RIPPLY2: variants seen among roughly 807,000 people sequenced by gnomAD.
The protein encoded by RIPPLY2 is protein ripply2.
In RIPPLY2, 20 loss-of-function variants were observed where a neutral mutation model predicts 17.7. The observed-to-expected ratio is 1.13, with a 90% CI of 0.79 to 1.64. The LOEUF is 1.64. Among genes scored for constraint, RIPPLY2 ranks in the 40% most tolerant of loss-of-function variants. The probability of loss-of-function intolerance (pLI) is 0.00; values close to 1 mark genes in which losing one functional copy is unlikely to be tolerated. For synonymous variants in RIPPLY2, 69 were observed against 63.9 expected (o/e 1.08, Z -0.38); for missense variants, 213 against 169.8 (o/e 1.25, Z -1.41).
chr6:83,853,726 G>T lies in RIPPLY2; in HGVS notation c.127G>T (p.Ala43Ser), dbSNP rs1180404890. 3.1e-6 allele frequency: 5 copies of T among 1,613,654 alleles called. No individual in the cohort carries two copies. In the Admixed American group the frequency reaches 6.7e-5, roughly 22 times the overall value. Reference sequence around the variant, plus strand: ...AGGCTTCTGGAGACCCTGGGTGGACGCCGGAGGCAAGAAAGAAGAGGAGAC... The same window carrying T: ...AGGCTTCTGGAGACCCTGGGTGGACTCCGGAGGCAAGAAAGAAGAGGAGAC... ...YAGFWRPWVD[A>S]GGKKEEETPN... The change falls in exon 2 of 4, where the codon GCC becomes TCC. Residue 43 changes from alanine to serine, a missense_variant. Transcript: ENST00000369689.
chr6:83,853,233 C>A, upstream of RIPPLY2: 2 of 574,054 alleles, frequency 3.5e-6, no homozygotes, highest in Non-Finnish European at 3.0e-6. Context: ...GGGCTCAGCC[C>A]GGTGCGCCTT....
At chr6:83,854,420 G>T in intron 3 of RIPPLY2, 1 of 532,078 alleles carries the variant, frequency 1.9e-6, no homozygotes, top group South Asian at 2.5e-5. Flanking sequence ...GGATGATATG[G>T]TAAGAGAGCG....
chr6:83,855,673 TA>T (rs1241532355), intron 3 of RIPPLY2: 1 of 152,116 alleles, frequency 6.6e-6, no homozygotes, highest in African/African-American at 2.4e-5. Context: ...GTACGTAAGT[TA>T]GGGGCCCAGA....
At chr6:83,853,231 C>T (rs2099454445), upstream of RIPPLY2, 1 of 572,764 alleles carries the variant, frequency 1.7e-6, no homozygotes. Flanking sequence ...CGGGGCTCAG[C>T]CCGGTGCGCC....
intron 3 of RIPPLY2, 43 bp downstream of exon 3, chr6:83,854,204 C>G: frequency 6.6e-7 from 1 of 1,511,998 alleles, no homozygotes; most frequent in Non-Finnish European, 9.2e-7. Context: ...TCCTCCAGCC[C>G]CAGGGAGGAG....
At chr6:83,857,145 C>G in intron 3 of RIPPLY2, 97 bp from the exon 4 acceptor site, 1 of 752,398 alleles carries the variant, frequency 1.3e-6, no homozygotes, top group Non-Finnish European at 2.0e-6. Flanking sequence ...ATGTATAAGT[C>G]AATTGTTAAA....
chr6:83,853,669 G>T, intron 1 of RIPPLY2, 26 bp from the exon 2 acceptor site: 2 of 1,607,316 alleles, frequency 1.2e-6, no homozygotes, highest in Non-Finnish European at 8.5e-7. Flanking sequence ...TCTCCTCTGC[G>T]CGCCTTGTGC....
At chr6:83,857,133 A>G (rs1283929585) in intron 3 of RIPPLY2, 109 bp from the exon 4 acceptor site, 2 of 664,172 alleles carry the variant, frequency 3.0e-6, no homozygotes, top group Non-Finnish European at 4.7e-6. Context: ...GGCTATATCC[A>G]AATGTATAAG....
rs2099454499 is a variant in RIPPLY2 at position 83,853,422 on chromosome 6, G to C, written c.6G>C (p.Glu2Asp). 2 of 1,543,540 alleles carry C rather than the reference G, an allele frequency of 1.3e-6. No individual in the cohort carries two copies. Among genetic ancestry groups the C allele is most frequent in the Non-Finnish European group, 8.7e-7 (1 of 1,146,452 alleles). Residue 2 changes from glutamate to aspartate, a missense_variant, in exon 1 of 4, where the codon GAG (glutamate) becomes GAC (aspartate). Physicochemically the swap from Glu to Asp is conservative, Grantham distance 45. Coordinates refer to ENST00000369689, the MANE Select transcript of RIPPLY2 (RefSeq NM_001009994.3). ...CCGCCCAGCTCTGCGGCGTCATGGAGAACGCGGGAGGCGCAGAGGGTACAG... is the reference window on the plus strand; with the variant it reads ...CCGCCCAGCTCTGCGGCGTCATGGACAACGCGGGAGGCGCAGAGGGTACAG... M[E>D]NAGGAEGTES...
chr6:83,855,757 G>A lies in RIPPLY2; in HGVS notation c.240-1485G>A, dbSNP rs549141465. 5.2e-4 allele frequency: 79 copies of A among 152,338 alleles called. 1 individual carries two copies. The highest frequency in any genetic ancestry group is 1.8e-3 in the African/African-American group (74 of 41,544). 9.4% of individuals were successfully genotyped at this position (152,338 alleles called of 1,614,324 possible). ...TAGGGTGGGGAAATCATGACAGTGG[G>A]CCAGGTCATCCTAGTTTGTTTAGAG... On this transcript the variant is annotated intron_variant, in intron 3 of 3. Coordinates refer to ENST00000369689, the MANE Select transcript of RIPPLY2 (RefSeq NM_001009994.3).
chr6:83,856,531 A>ATCG (rs2099455017), intron 3 of RIPPLY2: 1 of 152,166 alleles, frequency 6.6e-6, no homozygotes, highest in South Asian at 2.1e-4. Flanking sequence ...TTCTGAGGTA[A>ATCG]TAATACTTAC....
rs1229852977 is a variant in RIPPLY2 at position 83,853,459 on chromosome 6, G to A, written c.43G>A (p.Ala15Thr). The A allele has an allele frequency of 6.5e-7, 1 of 1,542,234 alleles. No individual in the cohort carries two copies. The highest frequency in any genetic ancestry group is 2.0e-5 in the Admixed American group (1 of 50,618). The part of the protein sequence containing the change: ...GGAEGTESGA[A>T]ACAATDGPTR... ...CGCAGAGGGTACAGAGAGTGGAGCT[G>A]CGGCGTGCGCGGCCACCGACGGCCC... The change falls in exon 1 of 4, where the codon GCG becomes ACG. Residue 15 changes from alanine (A) to threonine (T), a missense_variant. Transcript: ENST00000369689.
rs1331276861 is a variant in RIPPLY2 at position 83,853,412 on chromosome 6, G to C, written c.-5G>C. On this transcript the variant is annotated 5_prime_UTR_variant, in exon 1 of 4. Transcript: ENST00000369689. ...CAGCGGCCTTCCGCCCAGCTCTGCG[G>C]CGTCATGGAGAACGCGGGAGGCGCA... is the stretch of plus-strand genomic sequence containing the variant. The C allele has an allele frequency of 5.2e-6, 8 of 1,542,562 alleles. No homozygotes were observed. Among genetic ancestry groups the C allele is most frequent in the Non-Finnish European group, 7.0e-6 (8 of 1,146,136 alleles).
Position 83,853,480 on chromosome 6 carries a change from G to T in RIPPLY2, c.64G>T (p.Gly22Cys), listed in dbSNP as rs747616891. The change falls in exon 1 of 4, where the codon GGC (glycine) becomes TGC (cysteine). Residue 22 changes from glycine (G) to cysteine (C), a missense_variant. Physicochemically the swap from Gly to Cys is radical, Grantham distance 159 (BLOSUM62 -3). Coordinates refer to ENST00000369689, the MANE Select transcript of RIPPLY2 (RefSeq NM_001009994.3). ...AGCTGCGGCGTGCGCGGCCACCGAC[G>T]GCCCTACGCGGCGCGCGGGCGCGGA... is the stretch of plus-strand genomic sequence containing the variant. ...SGAAACAATD[G>C]PTRRAGADSG... is the part of the protein sequence containing the mutation. The T allele has an allele frequency of 6.5e-7, 1 of 1,538,768 alleles. No homozygotes were observed. Among genetic ancestry groups the T allele is most frequent in the East Asian group, 2.5e-5 (1 of 40,764 alleles).
rs1357231599 is a variant in RIPPLY2 at position 83,854,112 on chromosome 6, G to A, written c.190G>A (p.Gly64Arg). Residue 64 changes from glycine to arginine, a missense_variant, in exon 3 of 4, where the codon GGA becomes AGA. Transcript: ENST00000369689. ...HAAEAMPDGP[G>R]MTAASGKLYQ... ...TCCTCTCCAGATGCCCGATGGCCCT[G>A]GAATGACCGCAGCCTCAGGAAAGCT... The A allele has an allele frequency of 6.2e-7, 1 of 1,614,126 alleles. No homozygotes were observed. Among genetic ancestry groups the A allele is most frequent in the East Asian group, 2.2e-5 (1 of 44,880 alleles).
chr6:83,853,333 A>G (rs1169097419), upstream of RIPPLY2: 2 of 1,131,582 alleles, frequency 1.8e-6, no homozygotes, highest in African/African-American at 1.6e-5. Context: ...CGAGGGCTAT[A>G]TAAAGCTCGG....
intron 3 of RIPPLY2, chr6:83,856,993 T>G (rs907865603): frequency 4.6e-6 from 1 of 215,266 alleles, no homozygotes; most frequent in African/African-American, 2.3e-5. Context: ...TATCCAGGGT[T>G]TAGTGTAAAT....
chr6:83,853,466 G>T lies in RIPPLY2; in HGVS notation c.50G>T (p.Cys17Phe), dbSNP rs1468250788. The change falls in exon 1 of 4, where the codon TGC becomes TTC. Residue 17 changes from cysteine to phenylalanine, a missense_variant. Transcript: ENST00000369689. Reference sequence around the variant, plus strand: ...GGTACAGAGAGTGGAGCTGCGGCGTGCGCGGCCACCGACGGCCCTACGCGG... The same window carrying T: ...GGTACAGAGAGTGGAGCTGCGGCGTTCGCGGCCACCGACGGCCCTACGCGG... ...AEGTESGAAA[C>F]AATDGPTRRA... The T allele has an allele frequency of 2.6e-6, 4 of 1,541,914 alleles. No homozygotes were observed. Among genetic ancestry groups the T allele is most frequent in the Non-Finnish European group, 3.5e-6 (4 of 1,146,048 alleles).
chr6:83,856,508 C>T (rs2099455014), intron 3 of RIPPLY2: 1 of 152,086 alleles, frequency 6.6e-6, no homozygotes, highest in Admixed American at 6.5e-5. Context: ...TAGTATTTGT[C>T]AGATTTTTGA....
Sources: gnomAD v4.1 joint callset for allele counts on GRCh38, gnomAD v4.1.1 for gene constraint, MANE v1.5 for transcripts, NCBI Gene and HGNC (gene_info 2026-07-23, HGNC 2026-07-21) for gene names.